Variants in PACRG observed in about 807,000 individuals in gnomAD.
PACRG encodes parkin coregulated gene protein.
Under a neutral mutation model 29.7 loss-of-function variants are expected in PACRG, and 29 were observed. The observed-to-expected ratio is 0.98, with a 90% CI of 0.73 to 1.33. The LOEUF (loss-of-function observed/expected upper bound fraction) is 1.33, where lower values mean the gene tolerates loss of function less well. Ranked by LOEUF, PACRG falls within the 40% of genes most tolerant of loss-of-function variation. The probability of loss-of-function intolerance (pLI) is 0.00; values close to 1 mark genes in which losing one functional copy is unlikely to be tolerated. For missense variants in PACRG, 279 were observed against 316.2 expected (o/e 0.88, Z 0.89); for synonymous variants, 116 against 118.7 (o/e 0.98, Z 0.15).
At chr6:163,304,507 G>T (rs1354534663) in intron 4 of PACRG, among the ~76,000 whole-genome samples, 4 of 152,150 alleles carry the variant, frequency 2.6e-5, no homozygotes, top group Admixed American at 1.3e-4. Context: ...ATGCAAAAGG[G>T]CTAAGTAAAC....
intron 1 of PACRG, among the ~76,000 whole-genome samples, chr6:162,804,113 T>C (rs1461920624): frequency 1.3e-5 from 2 of 152,214 alleles, no homozygotes; most frequent in Admixed American, 6.5e-5. Context: ...ATATGGTATC[T>C]GCAGTGCTAT....
chr6:162,982,739 G>A (rs989996319), intron 2 of PACRG, among the ~76,000 whole-genome samples: 4 of 151,980 alleles, frequency 2.6e-5, no homozygotes, highest in Admixed American at 6.6e-5. Flanking sequence ...GTCTATCTTG[G>A]AGAATGTTCC....
intron 1 of PACRG, among the ~76,000 whole-genome samples, chr6:162,765,853 A>T (rs1039383850): frequency 2.0e-4 from 30 of 152,166 alleles, no homozygotes; most frequent in Non-Finnish European, 8.8e-5. Flanking sequence ...AATATTTTAT[A>T]CAATGATTGA....
intron 1 of PACRG, among the ~76,000 whole-genome samples, chr6:162,743,779 G>A (rs868087370): frequency 3.9e-4 from 60 of 151,902 alleles, no homozygotes; most frequent in African/African-American, 1.4e-3. Context: ...TATATTCTCA[G>A]AGTTGCACGT....
At chr6:163,200,748 T>TA (rs559972527) in intron 4 of PACRG, among the ~76,000 whole-genome samples, 70 of 152,224 alleles carry the variant, frequency 4.6e-4, no homozygotes, top group Non-Finnish European at 8.4e-4. Flanking sequence ...ATCCTTGTTT[T>TA]AGATACCTTT....
chr6:162,934,549 G>A (rs182214298), intron 2 of PACRG, among the ~76,000 whole-genome samples: 3 of 152,246 alleles, frequency 2.0e-5, no homozygotes, highest in Non-Finnish European at 4.4e-5. Context: ...TATTTATCAT[G>A]TAGCCAGTCT....
At chr6:163,116,929 C>G (rs1038625334) in intron 4 of PACRG, among the ~76,000 whole-genome samples, 1 of 152,062 alleles carries the variant, frequency 6.6e-6, no homozygotes, top group Non-Finnish European at 1.5e-5. Flanking sequence ...CTGCAGGGAT[C>G]CCCAGACGAG....
At chr6:163,192,965 C>A (rs568249452) in intron 4 of PACRG, among the ~76,000 whole-genome samples, 1 of 152,298 alleles carries the variant, frequency 6.6e-6, no homozygotes, top group East Asian at 1.9e-4. Flanking sequence ...CATTCTACAA[C>A]CCTTAAACCG....
At chr6:163,121,687 A>G (rs2128324916) in intron 4 of PACRG, among the ~76,000 whole-genome samples, 2 of 133,466 alleles carry the variant, frequency 1.5e-5, no homozygotes, top group South Asian at 4.9e-4. Flanking sequence ...TTTTTTTGAG[A>G]CAGAGTCTCC....
chr6:163,026,897 C>T (rs1301937595), intron 2 of PACRG, among the ~76,000 whole-genome samples: 1 of 152,190 alleles, frequency 6.6e-6, no homozygotes, highest in East Asian at 1.9e-4. Flanking sequence ...CAGGAAAAGT[C>T]TTCTTGTCAG....
chr6:163,198,408 T>C (rs565130235), intron 4 of PACRG, among the ~76,000 whole-genome samples: 1 of 152,348 alleles, frequency 6.6e-6, no homozygotes, highest in African/African-American at 2.4e-5. Flanking sequence ...CCATACTGCT[T>C]ATGCATCAGG....
intron 2 of PACRG, among the ~76,000 whole-genome samples, chr6:162,954,748 G>T (rs1217780902): frequency 6.6e-6 from 1 of 152,004 alleles, no homozygotes; most frequent in Non-Finnish European, 1.5e-5. Context: ...GTGAGTATAG[G>T]GAAACAAAAA....
Position 163,019,990 on chromosome 6 carries a change from T to G in PACRG, c.292-42160T>G, listed in dbSNP as rs192033520. Among the ~76,000 whole-genome samples the G allele has an allele frequency of 7.2e-5, 11 of 152,344 alleles. 1 individual carries two copies. In the East Asian group the frequency reaches 2.1e-3, roughly 29 times the overall value. ...AAAGCAAAGTGAAGACCACAGTCAT[T>G]TCCCATGTCTTTGGCGAGATGTCTT... On this transcript the variant is annotated intron_variant, in intron 2 of 4. Coordinates refer to ENST00000366888, the MANE Select transcript of PACRG (RefSeq NM_001080379.2).
intron 2 of PACRG, among the ~76,000 whole-genome samples, chr6:163,004,011 C>T (rs1428711357): frequency 6.6e-6 from 1 of 152,048 alleles, no homozygotes; most frequent in Non-Finnish European, 1.5e-5. Context: ...TTAACTCATG[C>T]TTAAAAAGAT....
intron 2 of PACRG, among the ~76,000 whole-genome samples, chr6:162,965,990 A>G (rs1346624235): frequency 1.3e-5 from 2 of 152,218 alleles, no homozygotes; most frequent in South Asian, 2.1e-4. Context: ...CCGATACACC[A>G]ATGTGGATGG....
chr6:163,260,116 C>T (rs1479321637), intron 4 of PACRG, among the ~76,000 whole-genome samples: 1 of 152,212 alleles, frequency 6.6e-6, no homozygotes, highest in Non-Finnish European at 1.5e-5. Context: ...CTCTCATCCC[C>T]CTTCCCTTCC....
At chr6:163,296,432 T>C (rs1399626379) in intron 4 of PACRG, among the ~76,000 whole-genome samples, 1 of 152,130 alleles carries the variant, frequency 6.6e-6, no homozygotes, top group African/African-American at 2.4e-5. Flanking sequence ...GTAGCTGGGA[T>C]TACAGGCACC....
At chr6:163,159,720 G>T (rs2982907) in intron 4 of PACRG, among the ~76,000 whole-genome samples, 19,468 of 152,162 alleles carry the variant, frequency 0.13, 1,446 homozygotes, top group South Asian at 0.23. Context: ...TGATAAGGGT[G>T]TCGAGTGTTC....
chr6:162,898,272 T>C (rs1294418235), intron 2 of PACRG, among the ~76,000 whole-genome samples: 1 of 152,178 alleles, frequency 6.6e-6, no homozygotes, highest in Non-Finnish European at 1.5e-5. Context: ...GTTGCTGTAG[T>C]GGAAGAAGCA....
Sources: gnomAD v4.1 joint callset for allele counts (sites outside exome capture counted in the v4.1 genomes callset) on GRCh38, gnomAD v4.1.1 for gene constraint, MANE v1.5 for transcripts, NCBI Gene and HGNC (gene_info 2026-07-23, HGNC 2026-07-21) for gene names.